SEMA4G: variants seen among roughly 807,000 people sequenced by gnomAD.
SEMA4G encodes the protein semaphorin-4G.
Under a neutral mutation model 81.2 loss-of-function variants are expected in SEMA4G, and 59 were observed. The ratio of observed to expected loss-of-function variants is 0.73; its 90% confidence interval spans 0.59 to 0.90. The LOEUF is 0.90. Among genes scored for constraint, SEMA4G ranks in the 40% least tolerant of loss-of-function variants. The probability of loss-of-function intolerance (pLI) is 0.00; values close to 1 mark genes in which losing one functional copy is unlikely to be tolerated. For synonymous variants in SEMA4G, 404 were observed against 433.9 expected, an observed-to-expected ratio of 0.93 and a Z score of 0.86; for missense variants, 952 against 1,102.3, an observed-to-expected ratio of 0.86 and a Z score of 1.93.
Position 100,973,278 on chromosome 10 carries a change from G to A in SEMA4G, c.273+1G>A, listed in dbSNP as rs2133858081. On this transcript the variant is annotated splice_donor_variant, in intron 2 of 13. Coordinates refer to ENST00000370250, the Ensembl canonical transcript of SEMA4G. LOFTEE classifies it high-confidence loss of function. The surrounding 1 kb of genome is among the most constrained non-coding windows in gnomAD (Gnocchi z 5.5). ...CATAGGAGATGGGGCTCACAAAGAGGTCAGGCCCTGGAACCTGGACCACCC... is the reference window on the plus strand; with the variant it reads ...CATAGGAGATGGGGCTCACAAAGAGATCAGGCCCTGGAACCTGGACCACCC... 1.2e-6 allele frequency: 2 copies of A among 1,612,472 alleles called. No individual in the cohort carries two copies. The highest frequency in any genetic ancestry group is 2.2e-5 in the East Asian group (1 of 44,878).
At chr10:100,981,032 T>A in intron 12 of SEMA4G, 35 bp downstream of exon 13, 1 of 1,595,104 alleles carries the variant, frequency 6.3e-7, no homozygotes, top group Non-Finnish European at 8.5e-7. Flanking sequence ...TCACATGTGG[T>A]CTGAGTGGAG....
chr10:100,979,054 G>C (rs1346439958), intron 7 of SEMA4G, 36 bp downstream of exon 8: 1 of 1,613,052 alleles, frequency 6.2e-7, no homozygotes, highest in Admixed American at 1.7e-5. Flanking sequence ...GGGTATAGAG[G>C]CTGGACCTCT....
At chr10:100,977,809 C>A in intron 4 of SEMA4G, 79 bp downstream of exon 5, 1 of 1,242,896 alleles carries the variant, frequency 8.0e-7, no homozygotes, top group Non-Finnish European at 1.2e-6. Context: ...AAAGAAGAGA[C>A]TCAGAGCCAG....
chr10:100,983,718 C>T (rs773734595), exon 14 of SEMA4G: 10 of 1,613,338 alleles, frequency 6.2e-6, no homozygotes, highest in East Asian at 2.2e-5. Flanking sequence ...GGCCTGTCTG[C>T]GGGAAGGCAG....
At chr10:100,977,940 A>G (rs1177206659) in intron 4 of SEMA4G, 17 of 585,754 alleles carry the variant, frequency 2.9e-5, no homozygotes, top group Non-Finnish European at 3.1e-6. Context: ...ATTTTCACTT[A>G]GCATCCTCCC....
At position 100,979,848 on chromosome 10, in the gene SEMA4G, G is replaced by A. The variant is rs1473090285; in HGVS notation, c.984G>A (p.Trp328Ter). The change falls in exon 9 of 14, where the codon TGG becomes TGA. Residue 328 changes from tryptophan to a stop codon, truncating the protein, a stop_gained and splice_region_variant. Coordinates refer to ENST00000370250, the Ensembl canonical transcript of SEMA4G. LOFTEE classifies it high-confidence loss of function. The stretch of plus-strand genomic sequence containing the variant: ...CCCCTTGCCCTATGTCCCATTCTAG[G>A]AAGACCCTGGAGGCCTCAGCCATCT... The A allele has an allele frequency of 1.9e-6, 3 of 1,613,386 alleles. No homozygotes were observed. The highest frequency in any genetic ancestry group is 2.7e-5 in the African/African-American group (2 of 74,918).
chr10:100,984,935 G>GT, downstream of SEMA4G: 1 of 1,436,846 alleles, frequency 7.0e-7, no homozygotes, highest in Non-Finnish European at 9.1e-7. Flanking sequence ...TGCACATGTG[G>GT]TAACACACAC....
At chr10:100,978,544 G>A (rs769395836) in exon 6 of SEMA4G, 14 of 1,613,942 alleles carry the variant, frequency 8.7e-6, no homozygotes, top group Non-Finnish European at 1.1e-5. Context: ...CCTCTACACA[G>A]CCACTAGGTA....
At chr10:100,974,991 A>C (rs750753134) in intron 3 of SEMA4G, 1 of 531,400 alleles carries the variant, frequency 1.9e-6, no homozygotes, top group African/African-American at 1.9e-5. Context: ...CACTGGGCCA[A>C]GGTGGGCCAG....
At chr10:100,979,971 G>A (rs1388071510) in exon 9 of SEMA4G, 6 of 1,613,988 alleles carry the variant, frequency 3.7e-6, no homozygotes, top group South Asian at 1.1e-5. Context: ...AGGGTGGGGT[G>A]CCTGAGCCCC....
exon 1 of SEMA4G, chr10:100,972,611 T>G (rs1850665221): frequency 3.0e-6 from 1 of 338,348 alleles, no homozygotes; most frequent in African/African-American, 2.2e-5. Flanking sequence ...CCTCTAGAAC[T>G]TCACAACTCC....
chr10:100,982,232 G>A (rs1368355970), intron 13 of SEMA4G, among the ~76,000 whole-genome samples: 2 of 152,062 alleles, frequency 1.3e-5, no homozygotes, highest in Non-Finnish European at 2.9e-5. Flanking sequence ...CAGGCAGAGG[G>A]AGGCTGGCAC....
intron 13 of SEMA4G, chr10:100,981,522 G>C (rs750642389): frequency 2.5e-6 from 4 of 1,614,130 alleles, no homozygotes; most frequent in Admixed American, 1.7e-5. Flanking sequence ...CCCCAAGGAA[G>C]ATCGGATGAC....
exon 14 of SEMA4G, chr10:100,983,898 G>GGCCCCCCCC: frequency 6.6e-7 from 1 of 1,523,112 alleles, no homozygotes; most frequent in Non-Finnish European, 8.8e-7. Flanking sequence ...TGGGGAGGGA[G>GGCCCCCCCC]CCCCAGCCCC....
At chr10:100,983,778 G>A (rs771404491) in exon 14 of SEMA4G, 3 of 1,608,872 alleles carry the variant, frequency 1.9e-6, no homozygotes, top group Admixed American at 1.7e-5. Flanking sequence ...CCGGGCAGGA[G>A]GATCTGCGGT....
chr10:100,978,812 C>T (rs760557731), intron 6 of SEMA4G, 37 bp from the exon 8 acceptor site: 9 of 1,604,248 alleles, frequency 5.6e-6, no homozygotes, highest in Middle Eastern at 1.7e-4. Context: ...GAATCCCCAG[C>T]CTGTCTCAAA....
chr10:100,976,759 G>A (rs148586644), intron 3 of SEMA4G, among the ~76,000 whole-genome samples: 175 of 152,296 alleles, frequency 1.1e-3, no homozygotes, highest in Middle Eastern at 6.8e-3. Context: ...TGGGAGACAG[G>A]GATAAATGGG....
chr10:100,981,400 C>T, intron 13 of SEMA4G, 171 bp downstream of exon 14: 1 of 1,612,882 alleles, frequency 6.2e-7, no homozygotes, highest in Non-Finnish European at 8.5e-7. Context: ...ACATTTACTG[C>T]CCAAATGAAT....
exon 14 of SEMA4G, chr10:100,984,645 C>T (rs1247539943): frequency 6.5e-7 from 1 of 1,536,226 alleles, no homozygotes; most frequent in Non-Finnish European, 8.7e-7. Context: ...GGCTGGGCTG[C>T]AGTGCCCCCA....
Sources: allele counts gnomAD v4.1 joint callset (sites outside exome capture counted in the v4.1 genomes callset), GRCh38; gene constraint gnomAD v4.1.1; non-coding constraint Gnocchi (gnomAD v3.1); transcripts MANE v1.5; gene names NCBI Gene and HGNC (gene_info 2026-07-23, HGNC 2026-07-21).